The following OXR1 variants were observed in gnomAD, a reference collection of about 807,000 sequenced individuals.
The protein encoded by OXR1 is oxidation resistance protein 1.
In OXR1, 41 loss-of-function variants were observed where a neutral mutation model predicts 104.6. The observed-to-expected ratio is 0.39, with a 90% CI of 0.31 to 0.51. The LOEUF is 0.51. OXR1 is among the 20% of genes least tolerant of loss of function. The pLI, the probability that OXR1 is intolerant of heterozygous loss-of-function variation, is 0.77. For missense variants in OXR1, 955 were observed against 1,031.9 expected, an observed-to-expected ratio of 0.93 and a Z score of 1.02; for synonymous variants, 348 against 348.4, an observed-to-expected ratio of 1.00 and a Z score of 0.01.
At chr8:106,470,081 G>A (rs1563543282) in intron 2 of OXR1, among the ~76,000 whole-genome samples, 1 of 151,760 alleles carries the variant, frequency 6.6e-6, no homozygotes, top group African/African-American at 2.4e-5. Context: ...GTTAGTGAAA[G>A]AATAGTAAGA....
intron 2 of OXR1, among the ~76,000 whole-genome samples, chr8:106,479,488 A>G (rs1188026539): frequency 2.0e-5 from 3 of 151,938 alleles, no homozygotes; most frequent in Non-Finnish European, 4.4e-5. Flanking sequence ...ATTCACTTAC[A>G]CTGTTGCATT....
At chr8:106,703,433 A>G (rs967604497) in intron 8 of OXR1, among the ~76,000 whole-genome samples, 3 of 152,174 alleles carry the variant, frequency 2.0e-5, no homozygotes, top group South Asian at 2.1e-4. Flanking sequence ...ATAATTTTCA[A>G]ATTTCCCTTG....
chr8:106,554,138 G>T (rs1261777983), intron 3 of OXR1, among the ~76,000 whole-genome samples: 8 of 152,092 alleles, frequency 5.3e-5, no homozygotes, highest in Non-Finnish European at 1.2e-4. Flanking sequence ...GAGTCACCTG[G>T]AGAATTTGAA....
rs1484417 is a variant in OXR1, at chr8:106,684,338, G to A, written c.504G>A (p.Glu168=). 6.3e-7 allele frequency: 1 copy of A among 1,588,808 alleles called. No homozygotes were observed. The highest frequency in any genetic ancestry group is 8.6e-7 in the Non-Finnish European group (1 of 1,157,254). The change falls in exon 6 of 17, where the codon GAG becomes GAA. Residue 168 remains glutamate (E), a synonymous_variant. Transcript: ENST00000517566. ...PVSPLSPTSS[E]AEFDKTTNPD... is the part of the protein sequence containing the mutation. ...GTCCTCTGTCACCAACATCATCTGA[G>A]GCTGAATTTGATAAGACCACTGTAA...
intron 11 of OXR1, among the ~76,000 whole-genome samples, chr8:106,718,676 A>G (rs921212508): frequency 6.6e-6 from 1 of 151,962 alleles, no homozygotes; most frequent in African/African-American, 2.4e-5. Flanking sequence ...CGTCTCTACT[A>G]AAAATACAAA....
intron 2 of OXR1, among the ~76,000 whole-genome samples, chr8:106,506,603 T>G (rs1812183645): frequency 6.6e-6 from 1 of 151,274 alleles, no homozygotes; most frequent in Non-Finnish European, 1.5e-5. Flanking sequence ...AGAGCGAGAC[T>G]CCATCTCAAA....
chr8:106,373,380 G>A (rs1816785034), intron 2 of OXR1, among the ~76,000 whole-genome samples: 1 of 152,044 alleles, frequency 6.6e-6, no homozygotes, highest in Admixed American at 6.6e-5. Context: ...TTTTTTTACT[G>A]GTTGTTTAAT....
At chr8:106,376,988 G>T (rs573726783) in intron 2 of OXR1, among the ~76,000 whole-genome samples, 1 of 152,120 alleles carries the variant, frequency 6.6e-6, no homozygotes, top group African/African-American at 2.4e-5. Flanking sequence ...AACTGTATAT[G>T]CTATGTCTAA....
chr8:106,673,789 A>G (rs925861941), intron 3 of OXR1, among the ~76,000 whole-genome samples: 8 of 152,196 alleles, frequency 5.3e-5, no homozygotes, highest in Non-Finnish European at 1.0e-4. Flanking sequence ...AAGGGCCAAC[A>G]TACAGCCCAG....
At chr8:106,611,762 A>T (rs2130801609) in intron 3 of OXR1, among the ~76,000 whole-genome samples, 1 of 152,240 alleles carries the variant, frequency 6.6e-6, no homozygotes, top group South Asian at 2.1e-4. Flanking sequence ...TTAGGTGGGG[A>T]TGGAGAGTCC....
chr8:106,704,390 CTTCTTTTTTTTTTTTTTT>C lies in OXR1; in HGVS notation c.860+1303_860+1320del, dbSNP rs1563727424. Among the ~76,000 whole-genome samples, 2 of 75,840 alleles carry C rather than the reference CTTCTTTTTTTTTTTTTTT, an allele frequency of 2.6e-5. 1 individual carries two copies. Among genetic ancestry groups the C allele is most frequent in the Non-Finnish European group, 4.9e-5 (2 of 40,492 alleles). 49.8% of individuals were successfully genotyped at this position (75,840 alleles called of 152,430 possible). A position where few individuals can be genotyped will look rare whatever the true frequency, so the allele number is the denominator to read the frequency against. ...TTCTTTTTCTTTTTCTTTCTTTCTT[CTTCTTTTTTTTTTTTTTT>C]TTTTTTTTTTTTTTTTGAGATGGAG... On this transcript the variant is annotated intron_variant, in intron 8 of 16. Coordinates refer to ENST00000517566, the MANE Select transcript of OXR1 (RefSeq NM_001198533.2).
At chr8:106,605,282 A>G (rs1289366559) in intron 3 of OXR1, 1 of 152,342 alleles carries the variant, frequency 6.6e-6, no homozygotes, top group East Asian at 1.9e-4. Context: ...TCTAGCAATT[A>G]AAACACACAG....
At chr8:106,285,495 A>C (rs536489874) in intron 1 of OXR1, among the ~76,000 whole-genome samples, 4 of 152,116 alleles carry the variant, frequency 2.6e-5, no homozygotes, top group African/African-American at 9.6e-5. Flanking sequence ...CCTTCCGTTT[A>C]ATGCTGCCAC....
At chr8:106,581,179 G>C (rs1818194129) in intron 3 of OXR1, 2 of 1,277,800 alleles carry the variant, frequency 1.6e-6, no homozygotes, top group African/African-American at 1.5e-5. Flanking sequence ...ACATTTGAAA[G>C]AGAACTTGAC....
intron 1 of OXR1, among the ~76,000 whole-genome samples, chr8:106,276,746 T>C (rs1812057266): frequency 7.0e-6 from 1 of 143,640 alleles, no homozygotes; most frequent in South Asian, 2.2e-4. Flanking sequence ...TTAGATTCTG[T>C]TAGAGGCAAA....
intron 15 of OXR1, among the ~76,000 whole-genome samples, chr8:106,744,840 GAA>G (rs2131590560): frequency 6.6e-6 from 1 of 152,244 alleles, no homozygotes; most frequent in Admixed American, 6.5e-5. Context: ...AATAAATGAA[GAA>G]AATAGGAACG....
At chr8:106,606,268 G>C (rs1820379085) in intron 3 of OXR1, among the ~76,000 whole-genome samples, 1 of 147,780 alleles carries the variant, frequency 6.8e-6, no homozygotes, top group Non-Finnish European at 1.5e-5. Context: ...GTCTTCCTTA[G>C]AGCATATCAC....
At chr8:106,520,340 G>C (rs911503180) in intron 3 of OXR1, 3 of 151,698 alleles carry the variant, frequency 2.0e-5, no homozygotes, top group Non-Finnish European at 2.9e-5. Flanking sequence ...CAGATTTCTA[G>C]TTCTAATTCC....
chr8:106,281,665 T>C (rs1425402656), intron 1 of OXR1, among the ~76,000 whole-genome samples: 1 of 151,996 alleles, frequency 6.6e-6, no homozygotes, highest in Admixed American at 6.5e-5. Context: ...CCGGGTGCAC[T>C]GGCGCACGCC....
Sources: allele counts gnomAD v4.1 joint callset (sites outside exome capture counted in the v4.1 genomes callset), GRCh38; gene constraint gnomAD v4.1.1; transcripts MANE v1.5; gene names NCBI Gene and HGNC (gene_info 2026-07-23, HGNC 2026-07-21).